LOC128706665: variants seen among roughly 807,000 people sequenced by gnomAD.
At chr20:10,420,948 A>G in the LOC128706665 span, among the ~76,000 whole-genome samples, 1 of 152,346 alleles carries the variant, frequency 6.6e-6, no homozygotes, top group South Asian at 2.1e-4. Flanking sequence ...GGGAGCAGGC[A>G]GTCAGCCTTG....
At chr20:10,432,361 T>G in the LOC128706665 span, among the ~76,000 whole-genome samples, 2 of 152,194 alleles carry the variant, frequency 1.3e-5, no homozygotes, top group African/African-American at 2.4e-5. Context: ...AGAGTCTGAT[T>G]CTCAGGAAAC....
the LOC128706665 span, among the ~76,000 whole-genome samples, chr20:10,419,303 G>A: frequency 1.3e-5 from 2 of 152,026 alleles, no homozygotes; most frequent in Non-Finnish European, 2.9e-5. Flanking sequence ...GGCCAGATGA[G>A]TTTCATAATT....
the LOC128706665 span, among the ~76,000 whole-genome samples, chr20:10,416,830 T>C: frequency 8.5e-5 from 13 of 152,230 alleles, no homozygotes; most frequent in African/African-American, 2.9e-4. Flanking sequence ...TGCCTGTTTT[T>C]GTAAATGAAG....
At chr20:10,421,748 C>G in the LOC128706665 span, among the ~76,000 whole-genome samples, 1 of 151,720 alleles carries the variant, frequency 6.6e-6, no homozygotes, top group African/African-American at 2.4e-5. Flanking sequence ...AGACAGTTGC[C>G]TGGAGTTACA....
At chr20:10,433,758 C>A in the LOC128706665 span, among the ~76,000 whole-genome samples, 1 of 152,078 alleles carries the variant, frequency 6.6e-6, no homozygotes, top group Admixed American at 6.5e-5. Flanking sequence ...GCACACGGGG[C>A]CCCTCCCAGC....
the LOC128706665 span, among the ~76,000 whole-genome samples, chr20:10,415,099 T>TA: frequency 2.0e-5 from 3 of 151,910 alleles, no homozygotes; most frequent in Non-Finnish European, 2.9e-5. Flanking sequence ...GTGTCCTTGC[T>TA]AAAAAAAAGT....
At chr20:10,426,316 G>A in the LOC128706665 span, among the ~76,000 whole-genome samples, 22 of 152,340 alleles carry the variant, frequency 1.4e-4, no homozygotes, top group East Asian at 4.2e-3. Flanking sequence ...TCCAGTGTGT[G>A]ATCACGGATG....
the LOC128706665 span, among the ~76,000 whole-genome samples, chr20:10,428,565 G>C: frequency 2.6e-5 from 4 of 152,162 alleles, no homozygotes; most frequent in African/African-American, 9.7e-5. Flanking sequence ...TCAGCTGGGC[G>C]CGGTGGCTCA....
At chr20:10,415,099 TA>T in the LOC128706665 span, among the ~76,000 whole-genome samples, 22 of 152,028 alleles carry the variant, frequency 1.4e-4, no homozygotes, top group South Asian at 8.3e-4. Flanking sequence ...GTGTCCTTGC[TA>T]AAAAAAAGTG....
chr20:10,419,607 A>G, the LOC128706665 span, among the ~76,000 whole-genome samples: 4 of 152,192 alleles, frequency 2.6e-5, no homozygotes, highest in African/African-American at 7.2e-5. Flanking sequence ...GATAAAGTTC[A>G]ATTTATAAAT....
chr20:10,428,798 C>G, the LOC128706665 span, among the ~76,000 whole-genome samples: 2 of 152,012 alleles, frequency 1.3e-5, no homozygotes, highest in African/African-American at 4.8e-5. Flanking sequence ...GAGTCGAGAT[C>G]GCGCCATTGC....
chr20:10,429,220 A>G, the LOC128706665 span, among the ~76,000 whole-genome samples: 1 of 152,028 alleles, frequency 6.6e-6, no homozygotes, highest in Non-Finnish European at 1.5e-5. Context: ...AAGATCACCA[A>G]TCCTTCCCCT....
At chr20:10,414,082 A>G in the LOC128706665 span, among the ~76,000 whole-genome samples, 1 of 152,222 alleles carries the variant, frequency 6.6e-6, no homozygotes. Context: ...AAGGTAGACC[A>G]ACTTTGACTT....
At chr20:10,425,605 A>G in the LOC128706665 span, among the ~76,000 whole-genome samples, 1 of 152,246 alleles carries the variant, frequency 6.6e-6, no homozygotes, top group Non-Finnish European at 1.5e-5. Context: ...TCCTTCCCTC[A>G]AAACACTTGG....
chr20:10,427,189 GTTTT>G, the LOC128706665 span, among the ~76,000 whole-genome samples: 1 of 152,154 alleles, frequency 6.6e-6, no homozygotes, highest in African/African-American at 2.4e-5. Context: ...AAGCCATCAA[GTTTT>G]TTTAATTGCT....
the LOC128706665 span, among the ~76,000 whole-genome samples, chr20:10,430,289 C>G: frequency 1.3e-5 from 2 of 152,158 alleles, no homozygotes; most frequent in Non-Finnish European, 2.9e-5. Flanking sequence ...TCTTCACTTA[C>G]CACTTTACAA....
the LOC128706665 span, among the ~76,000 whole-genome samples, chr20:10,429,977 A>C: frequency 2.6e-5 from 4 of 152,204 alleles, no homozygotes; most frequent in Non-Finnish European, 5.9e-5. Flanking sequence ...CCACTGTTCT[A>C]GTCTACATCC....
the LOC128706665 span, among the ~76,000 whole-genome samples, chr20:10,424,931 T>C: frequency 6.6e-6 from 1 of 151,912 alleles, no homozygotes; most frequent in Non-Finnish European, 1.5e-5. Context: ...CAGGCGCCTG[T>C]AATCCCAGCT....
the LOC128706665 span, among the ~76,000 whole-genome samples, chr20:10,421,416 CAAAAAA>C: frequency 1.2e-5 from 1 of 86,120 alleles, no homozygotes; most frequent in African/African-American, 3.7e-5. Flanking sequence ...GACTCCATCA[CAAAAAA>C]AAAAAAAAAA....
Sources: allele counts gnomAD v4.1 joint callset (sites outside exome capture counted in the v4.1 genomes callset), GRCh38; gene constraint gnomAD v4.1.1; transcripts MANE v1.5.